RAB6B: variants seen among roughly 807,000 people sequenced by gnomAD.
The protein encoded by RAB6B is ras-related protein Rab-6B.
A neutral mutation model predicts 31.2 loss-of-function variants in RAB6B; 7 were observed. The observed-to-expected ratio is 0.22, with a 90% confidence interval of 0.13 to 0.42. The LOEUF is 0.42. Ranked by LOEUF, RAB6B falls within the 10% of genes least tolerant of loss-of-function variation. RAB6B has a pLI of 1.00. For synonymous variants in RAB6B, 105 were observed against 104.9 expected, an observed-to-expected ratio of 1.00 and a Z score of -0.01; for missense variants, 149 against 280.6, an observed-to-expected ratio of 0.53 and a Z score of 3.35.
chr3:133,836,175 G>A (rs1438145543), intron 6 of RAB6B, among the ~76,000 whole-genome samples: 1 of 152,214 alleles, frequency 6.6e-6, no homozygotes, highest in Non-Finnish European at 1.5e-5. Flanking sequence ...GGAAGCTGCT[G>A]GTGGGCCCAG....
chr3:133,861,279 T>C (rs560286670), intron 2 of RAB6B, among the ~76,000 whole-genome samples: 2 of 152,386 alleles, frequency 1.3e-5, no homozygotes, highest in Admixed American at 6.5e-5. Flanking sequence ...CTTGTTTTTT[T>C]ACTTCTTCAA....
chr3:133,859,379 G>C (rs1936127158), intron 2 of RAB6B, among the ~76,000 whole-genome samples: 1 of 152,154 alleles, frequency 6.6e-6, no homozygotes, highest in Non-Finnish European at 1.5e-5. Flanking sequence ...AATCTTGCCG[G>C]AAGTCCTACA....
intron 6 of RAB6B, among the ~76,000 whole-genome samples, chr3:133,835,347 G>A (rs777182566): frequency 2.6e-5 from 4 of 152,080 alleles, no homozygotes; most frequent in Non-Finnish European, 4.4e-5. Context: ...GCATATGGGG[G>A]AATGTTTGAG....
rs768430751 is a variant in RAB6B at position 133,895,461 on chromosome 3, G to A, written c.6C>T (p.Ser2=). The A allele has an allele frequency of 1.9e-6, 3 of 1,611,136 alleles. No homozygotes were observed. The highest frequency in any genetic ancestry group is 1.1e-5 in the South Asian group (1 of 90,348). Residue 2 remains serine (S), a synonymous_variant, in exon 1 of 8, where the codon TCC becomes TCT. Coordinates refer to ENST00000285208, the MANE Select transcript of RAB6B (RefSeq NM_016577.4). Reference sequence around the variant, plus strand: ...GTGGATTCCCAAAATCTCCCCCTGCGGACATGGTGCTGGCAGCCGGGGCCG... The same window carrying A: ...GTGGATTCCCAAAATCTCCCCCTGCAGACATGGTGCTGGCAGCCGGGGCCG... M[S]AGGDFGNPLR...
chr3:133,850,601 T>C (rs1385982425), intron 2 of RAB6B, among the ~76,000 whole-genome samples: 1 of 151,980 alleles, frequency 6.6e-6, no homozygotes, highest in Non-Finnish European at 1.5e-5. Context: ...AAATAGATCA[T>C]ATAAATTATC....
At chr3:133,846,730 A>C (rs923112022) in intron 2 of RAB6B, among the ~76,000 whole-genome samples, 2 of 152,258 alleles carry the variant, frequency 1.3e-5, no homozygotes, top group African/African-American at 2.4e-5. Flanking sequence ...AATGGTAAGA[A>C]TTATAGTTGA....
chr3:133,876,430 A>G (rs1327534334), intron 1 of RAB6B, among the ~76,000 whole-genome samples: 2 of 152,182 alleles, frequency 1.3e-5, no homozygotes, highest in Non-Finnish European at 2.9e-5. Context: ...TGCTTGCTCA[A>G]ATCTGCTGTA....
At chr3:133,873,957 A>G (rs1197352310) in intron 1 of RAB6B, among the ~76,000 whole-genome samples, 1 of 152,228 alleles carries the variant, frequency 6.6e-6, no homozygotes, top group Non-Finnish European at 1.5e-5. Flanking sequence ...AAATAGATTT[A>G]CTGTTCATTA....
intron 7 of RAB6B, among the ~76,000 whole-genome samples, chr3:133,830,623 C>T (rs1935642422): frequency 2.0e-5 from 3 of 152,166 alleles, no homozygotes; most frequent in Admixed American, 2.0e-4. Flanking sequence ...TTAGTGGCCT[C>T]TCCTGCTGAG....
chr3:133,892,863 C>T (rs576578293), intron 1 of RAB6B, among the ~76,000 whole-genome samples: 2 of 152,370 alleles, frequency 1.3e-5, no homozygotes, highest in South Asian at 4.1e-4. Flanking sequence ...AGATGCAAAA[C>T]TGTGCAGGCA....
chr3:133,830,069 C>T (rs1202272352), intron 7 of RAB6B, among the ~76,000 whole-genome samples: 1 of 152,236 alleles, frequency 6.6e-6, no homozygotes, highest in Admixed American at 6.5e-5. Flanking sequence ...TTCTCTCTAC[C>T]CTAGTCAAGC....
intron 1 of RAB6B, among the ~76,000 whole-genome samples, chr3:133,864,950 G>T (rs1431983613): frequency 1.3e-5 from 2 of 152,222 alleles, no homozygotes; most frequent in Non-Finnish European, 2.9e-5. Context: ...GAACCCAGCT[G>T]ATGCAAGAAC....
chr3:133,850,357 A>AC (rs1472237095), intron 2 of RAB6B, among the ~76,000 whole-genome samples: 2 of 152,214 alleles, frequency 1.3e-5, no homozygotes, highest in Admixed American at 6.5e-5. Flanking sequence ...GAAAAAAGAG[A>AC]TTAAATGGAG....
chr3:133,879,388 A>C (rs1576408724), intron 1 of RAB6B, among the ~76,000 whole-genome samples: 1 of 152,362 alleles, frequency 6.6e-6, no homozygotes, highest in South Asian at 2.1e-4. Flanking sequence ...GCATCAACTC[A>C]GGCTTCATGA....
chr3:133,877,619 G>A (rs1936414117), intron 1 of RAB6B, among the ~76,000 whole-genome samples: 1 of 151,724 alleles, frequency 6.6e-6, no homozygotes, highest in Non-Finnish European at 1.5e-5. Flanking sequence ...AAAATTATCA[G>A]GCATGTAAAA....
chr3:133,876,869 A>G (rs1262794367), intron 1 of RAB6B, among the ~76,000 whole-genome samples: 1 of 152,186 alleles, frequency 6.6e-6, no homozygotes, highest in Non-Finnish European at 1.5e-5. Context: ...GCCTGCCCAG[A>G]CTGATGTTCC....
intron 1 of RAB6B, among the ~76,000 whole-genome samples, chr3:133,875,271 C>CGT (rs66495634): frequency 0.41 from 61,557 of 151,330 alleles, 13,380 homozygotes; most frequent in African/African-American, 0.58. Context: ...CACAGTTACA[C>CGT]GTGTGTGTGT....
intron 1 of RAB6B, chr3:133,885,433 T>G (rs114955794): frequency 7.2e-6 from 5 of 697,274 alleles, no homozygotes; most frequent in Middle Eastern, 2.3e-4. Flanking sequence ...GGACGGGAAC[T>G]CACATACCCA....
At chr3:133,830,174 C>T (rs558286683) in intron 7 of RAB6B, among the ~76,000 whole-genome samples, 7 of 152,350 alleles carry the variant, frequency 4.6e-5, no homozygotes, top group South Asian at 4.1e-4. Flanking sequence ...TGGCCCATGC[C>T]GGCAGTGCAG....
Sources: gnomAD v4.1 joint callset for allele counts (sites outside exome capture counted in the v4.1 genomes callset) on GRCh38, gnomAD v4.1.1 for gene constraint, MANE v1.5 for transcripts, NCBI Gene and HGNC (gene_info 2026-07-23, HGNC 2026-07-21) for gene names.